XRCC6: variants seen among roughly 807,000 people sequenced by gnomAD.
XRCC6 encodes X-ray repair cross complementing 6, also known as DNA repair protein Ku70.
A neutral mutation model predicts 65.7 loss-of-function variants in XRCC6; 5 were observed. The observed-to-expected ratio is 0.08, with a 90% CI of 0.04 to 0.16. The LOEUF is 0.16. Ranked by LOEUF, XRCC6 falls within the 10% of genes least tolerant of loss-of-function variation. The pLI is 1.00. For synonymous variants in XRCC6, 270 were observed against 270.6 expected, an observed-to-expected ratio of 1.00 and a Z score of 0.02; for missense variants, 447 against 738.1, an observed-to-expected ratio of 0.61 and a Z score of 4.57.
chr22:41,635,866 C>A (rs2067804031), intron 3 of XRCC6, among the ~76,000 whole-genome samples: 1 of 152,036 alleles, frequency 6.6e-6, no homozygotes, highest in Non-Finnish European at 1.5e-5. Context: ...ATTGTTAATT[C>A]TCTGATTTCA....
At chr22:41,637,043 T>C (rs2067817275) in intron 5 of XRCC6, among the ~76,000 whole-genome samples, 1 of 151,728 alleles carries the variant, frequency 6.6e-6, no homozygotes, top group Non-Finnish European at 1.5e-5. Flanking sequence ...TGCCATTAGC[T>C]GTCTAAAGGA....
intron 3 of XRCC6, among the ~76,000 whole-genome samples, chr22:41,631,184 A>T (rs1047321977): frequency 1.2e-4 from 18 of 148,154 alleles, no homozygotes; most frequent in African/African-American, 4.0e-4. Flanking sequence ...CTGGCCAGGC[A>T]GAGGGGCTCC....
chr22:41,638,830 G>T (rs1475616380), intron 6 of XRCC6, among the ~76,000 whole-genome samples: 1 of 150,604 alleles, frequency 6.6e-6, no homozygotes, highest in Non-Finnish European at 1.5e-5. Flanking sequence ...TGGTATACCT[G>T]CATAGGGCAC....
chr22:41,628,268 A>G (rs913850952), intron 3 of XRCC6, 38 bp downstream of exon 3: 33 of 1,562,674 alleles, frequency 2.1e-5, no homozygotes, highest in Non-Finnish European at 2.9e-5. Context: ...ATTTAAAAAC[A>G]GTATTGGCTG....
intron 9 of XRCC6, among the ~76,000 whole-genome samples, chr22:41,656,087 C>T (rs1169212471): frequency 6.6e-6 from 1 of 151,066 alleles, no homozygotes; most frequent in Non-Finnish European, 1.5e-5. Flanking sequence ...AAAAAAGTAG[C>T]CAAGTGTGGT....
chr22:41,622,179 T>C, intron 2 of XRCC6, 93 bp downstream of exon 2: 1 of 1,286,640 alleles, frequency 7.8e-7, no homozygotes, highest in Non-Finnish European at 1.1e-6. Flanking sequence ...TTTGATGGCC[T>C]GCCCTTCTCC....
At chr22:41,651,417 G>T in intron 8 of XRCC6, among the ~76,000 whole-genome samples, 1 of 72,032 alleles carries the variant, frequency 1.4e-5, no homozygotes, top group South Asian at 5.7e-4. Context: ...TGGAGATGGA[G>T]TTTTACTCTT....
chr22:41,632,117 G>A (rs563686015), intron 3 of XRCC6, among the ~76,000 whole-genome samples: 70 of 151,162 alleles, frequency 4.6e-4, no homozygotes, highest in Non-Finnish European at 7.7e-4. Flanking sequence ...GGGAGACCGT[G>A]GAAAGAGAGG....
chr22:41,662,611 G>A (rs2068110092), intron 12 of XRCC6, among the ~76,000 whole-genome samples: 1 of 152,148 alleles, frequency 6.6e-6, no homozygotes, highest in Non-Finnish European at 1.5e-5. Context: ...ATTGACAGGT[G>A]GATATGCTGC....
At chr22:41,659,857 G>A (rs2068083559) in intron 11 of XRCC6, among the ~76,000 whole-genome samples, 1 of 151,054 alleles carries the variant, frequency 6.6e-6, no homozygotes, top group Non-Finnish European at 1.5e-5. Flanking sequence ...GCTGATTTTT[G>A]TATTTTTTGG....
intron 7 of XRCC6, among the ~76,000 whole-genome samples, chr22:41,650,388 A>G (rs1341336941): frequency 1.3e-5 from 2 of 152,120 alleles, no homozygotes; most frequent in Non-Finnish European, 2.9e-5. Flanking sequence ...GGCATGAGGC[A>G]CTGCACCTAG....
chr22:41,628,696 C>A (rs552776418), intron 3 of XRCC6, among the ~76,000 whole-genome samples: 1 of 151,980 alleles, frequency 6.6e-6, no homozygotes, highest in Non-Finnish European at 1.5e-5. Context: ...TCCAGCTGGG[C>A]GTGGTGGCTC....
intron 9 of XRCC6, among the ~76,000 whole-genome samples, chr22:41,656,054 ACT>A (rs1314154951): frequency 2.7e-5 from 4 of 150,408 alleles, no homozygotes; most frequent in African/African-American, 7.3e-5. Context: ...ACATGGTGAA[ACT>A]CTGTCTCTGC....
chr22:41,628,247 A>G lies in XRCC6; in HGVS notation c.195+17A>G. 3 of 1,595,720 alleles carry G rather than the reference A, an allele frequency of 1.9e-6. No homozygotes were observed. The highest frequency in any genetic ancestry group is 4.5e-5 in the East Asian group (2 of 44,740). Reference sequence around the variant, plus strand: ...AGCATCCAGGTAAGACTACCTTTTAATTTAAGACAAATTTAAAAACAGTAT... The same window carrying G: ...AGCATCCAGGTAAGACTACCTTTTAGTTTAAGACAAATTTAAAAACAGTAT... On this transcript the variant is annotated intron_variant, in intron 3 of 12. Coordinates refer to ENST00000360079, the MANE Select transcript of XRCC6 (RefSeq NM_001469.5).
At chr22:41,626,295 A>C (rs923750935) in intron 2 of XRCC6, among the ~76,000 whole-genome samples, 5 of 149,364 alleles carry the variant, frequency 3.3e-5, no homozygotes, top group African/African-American at 5.0e-5. Flanking sequence ...GGCATGCGCC[A>C]CTACACGCAG....
intron 6 of XRCC6, among the ~76,000 whole-genome samples, chr22:41,643,495 T>C (rs1204496790): frequency 6.6e-6 from 1 of 152,020 alleles, no homozygotes; most frequent in Non-Finnish European, 1.5e-5. Flanking sequence ...TTTGATATAT[T>C]GTGTTTTTAC....
chr22:41,643,341 G>A (rs570955821), intron 6 of XRCC6, among the ~76,000 whole-genome samples: 3 of 151,000 alleles, frequency 2.0e-5, no homozygotes, highest in South Asian at 4.2e-4. Context: ...CCCGGTTGGC[G>A]GAGGTTGCAG....
chr22:41,639,225 G>A (rs1476595306), intron 6 of XRCC6, among the ~76,000 whole-genome samples: 1 of 151,392 alleles, frequency 6.6e-6, no homozygotes, highest in Non-Finnish European at 1.5e-5. Context: ...GCCTGTTAGG[G>A]AGCAAAAACT....
At chr22:41,649,126 C>CAAAAAAAA (rs1335320703) in intron 7 of XRCC6, among the ~76,000 whole-genome samples, 202 of 90,102 alleles carry the variant, frequency 2.2e-3, no homozygotes, top group African/African-American at 8.1e-3. Flanking sequence ...GAAGAGAGTA[C>CAAAAAAAA]AAAAAAAAAA....
Sources: gnomAD v4.1 joint callset for allele counts (sites outside exome capture counted in the v4.1 genomes callset) on GRCh38, gnomAD v4.1.1 for gene constraint, MANE v1.5 for transcripts, NCBI Gene and HGNC (gene_info 2026-07-23, HGNC 2026-07-21) for gene names.